Variants in LRRC49 observed in about 807,000 individuals in gnomAD.
LRRC49 encodes the protein leucine rich repeat containing 49.
LRRC49 carries 50 observed loss-of-function variants against 83.3 expected under a neutral mutation model. The observed-to-expected ratio is 0.60, with a 90% CI of 0.48 to 0.76. The LOEUF (loss-of-function observed/expected upper bound fraction) is 0.76, where lower values mean the gene tolerates loss of function less well. LRRC49 is among the 30% of genes least tolerant of loss of function. The pLI, the probability that LRRC49 is intolerant of heterozygous loss-of-function variation, is 0.00. For synonymous variants in LRRC49, 286 were observed against 283.3 expected (o/e 1.01, Z -0.10); for missense variants, 704 against 809.1 (o/e 0.87, Z 1.58).
chr15:70,912,218 A>T (rs769229498), intron 6 of LRRC49, among the ~76,000 whole-genome samples: 1 of 152,052 alleles, frequency 6.6e-6, no homozygotes, highest in Non-Finnish European at 1.5e-5. Context: ...CCAGTTTCTT[A>T]TTGATAGACA....
At chr15:70,984,955 G>A (rs935531602) in intron 11 of LRRC49, among the ~76,000 whole-genome samples, 1 of 147,854 alleles carries the variant, frequency 6.8e-6, no homozygotes, top group Non-Finnish European at 1.5e-5. Flanking sequence ...CAAAGGACAT[G>A]AACTCATCAT....
At chr15:71,047,811 C>T (rs1287642333) in intron 15 of LRRC49, among the ~76,000 whole-genome samples, 1 of 152,176 alleles carries the variant, frequency 6.6e-6, no homozygotes, top group African/African-American at 2.4e-5. Context: ...GAGTCTTGCT[C>T]TGTCGCCCAG....
In LRRC49 at chr15:71,049,630, A is replaced by G. The variant is rs1273981861; in HGVS notation, c.*18A>G. ...AAAAATAAAAATGGCCTTTAGTTAC[A>G]GTTGATTTTGGCAGTTTTATTTTTT... On this transcript the variant is annotated 3_prime_UTR_variant, in exon 16 of 16. Coordinates refer to ENST00000260382, the MANE Select transcript of LRRC49 (RefSeq NM_017691.5). 6.4e-7 allele frequency: 1 copy of G among 1,570,852 alleles called. No homozygotes were observed. Among genetic ancestry groups the G allele is most frequent in the East Asian group, 2.2e-5 (1 of 44,674 alleles).
intron 7 of LRRC49, among the ~76,000 whole-genome samples, chr15:70,922,909 T>G (rs2035061344): frequency 6.6e-6 from 1 of 152,038 alleles, no homozygotes; most frequent in Non-Finnish European, 1.5e-5. Context: ...GGAACTAATA[T>G]TACCAACATT....
intron 9 of LRRC49, among the ~76,000 whole-genome samples, chr15:70,971,936 A>G (rs918656191): frequency 6.6e-6 from 1 of 151,446 alleles, no homozygotes; most frequent in Non-Finnish European, 1.5e-5. Flanking sequence ...CTCTTTATCC[A>G]ATTTGCCAGT....
intron 12 of LRRC49, among the ~76,000 whole-genome samples, chr15:71,009,218 C>T (rs1216605464): frequency 6.6e-6 from 1 of 151,582 alleles, no homozygotes; most frequent in Non-Finnish European, 1.5e-5. Context: ...CTTCATTCTC[C>T]CTAAAAAAGA....
At chr15:71,002,360 A>T (rs975077484) in intron 11 of LRRC49, among the ~76,000 whole-genome samples, 1 of 152,188 alleles carries the variant, frequency 6.6e-6, no homozygotes, top group Non-Finnish European at 1.5e-5. Context: ...CTATGAAAAA[A>T]TTATAGACAC....
At chr15:71,038,495 C>A (rs1221764085) in intron 15 of LRRC49, among the ~76,000 whole-genome samples, 4 of 152,176 alleles carry the variant, frequency 2.6e-5, no homozygotes, top group Non-Finnish European at 5.9e-5. Context: ...TTTCCTTCCC[C>A]ACCCCCAATC....
intron 11 of LRRC49, among the ~76,000 whole-genome samples, chr15:70,990,081 G>T (rs1218089826): frequency 1.3e-5 from 2 of 152,248 alleles, no homozygotes; most frequent in Admixed American, 6.5e-5. Context: ...GGGGGTCAGG[G>T]GTCAGGGACC....
At position 71,012,890 on chromosome 15, in the gene LRRC49, G is replaced by A. The variant is rs747694909; in HGVS notation, c.1680G>A (p.Leu560=). 9 of 1,611,640 alleles carry A rather than the reference G, an allele frequency of 5.6e-6. No individual in the cohort carries two copies. In the Admixed American group the frequency reaches 1.5e-4, roughly 27 times the overall value. The stretch of plus-strand genomic sequence containing the variant: ...CTTCTGAGTTACCCCAGTATCGTCT[G>A]ATTTCCATTCTGGGTGATGCCAGGT... ...VASSELPQYR[L]ISILGDARKK... The change falls in exon 14 of 16, where the codon CTG becomes CTA. Residue 560 remains leucine (L), a synonymous_variant. Transcript: ENST00000260382.
intron 1 of LRRC49, chr15:70,858,764 C>T (rs1388599464): frequency 2.6e-5 from 30 of 1,151,238 alleles, no homozygotes; most frequent in South Asian, 8.4e-5. Context: ...CTCTGGCCCC[C>T]GGGCCTTCAG....
chr15:70,944,903 T>C (rs2035955632), intron 8 of LRRC49, among the ~76,000 whole-genome samples: 1 of 152,194 alleles, frequency 6.6e-6, no homozygotes, highest in Non-Finnish European at 1.5e-5. Context: ...CATTGAGGTC[T>C]CTTCACTCTA....
In LRRC49 at chr15:70,858,838, A is replaced by G. The variant is rs557801462; in HGVS notation, c.-299+5369A>G. ...GCACCTGAGATTCTCCCGAGTGGGC[A>G]GCAGCAGCTTCTGGGGTGGCCTGGG... On this transcript the variant is annotated intron_variant, in intron 1 of 16. Coordinates refer to the LRRC49 transcript ENST00000544974. 4.2e-5 allele frequency: 33 copies of G among 783,170 alleles called. No homozygotes were observed. The East Asian group carries it at 5.9e-4, about 14-fold the overall frequency. The allele number at this position is 783,170 out of a possible 1,614,324, so 48.5% of individuals were successfully genotyped here.
At chr15:70,987,783 G>A (rs371571358) in intron 11 of LRRC49, among the ~76,000 whole-genome samples, 30 of 151,908 alleles carry the variant, frequency 2.0e-4, no homozygotes, top group African/African-American at 7.0e-4. Flanking sequence ...AGTGCTATAA[G>A]TTTCCCTCTA....
Position 70,898,548 on chromosome 15 carries a change from G to A in LRRC49, c.194-2374G>A, listed in dbSNP as rs2033933154. 5.1e-6 allele frequency: 3 copies of A among 586,526 alleles called. No homozygotes were observed. In the South Asian group the frequency reaches 6.7e-5, roughly 13 times the overall value. 36.3% of individuals were successfully genotyped at this position (586,526 alleles called of 1,614,324 possible). ...CCAGCACTTTGGGAGGCCAAGGTGGGTGGATTGCTTGAGCCCAGGAGTTCA... is the reference window on the plus strand; with the variant it reads ...CCAGCACTTTGGGAGGCCAAGGTGGATGGATTGCTTGAGCCCAGGAGTTCA... On this transcript the variant is annotated intron_variant, in intron 3 of 15. Transcript: ENST00000260382.
chr15:70,882,852 A>G, intron 2 of LRRC49: 1 of 1,614,148 alleles, frequency 6.2e-7, no homozygotes, highest in Non-Finnish European at 8.5e-7. Context: ...AAGTGACAGT[A>G]TTAGATGGAT....
intron 4 of LRRC49, among the ~76,000 whole-genome samples, 186 bp from the exon 5 acceptor site, chr15:70,904,366 A>G (rs1011355168): frequency 2.6e-5 from 4 of 152,130 alleles, no homozygotes; most frequent in African/African-American, 4.8e-5. Context: ...GTCAAAGTCT[A>G]TTGGCTTTTT....
intron 15 of LRRC49, among the ~76,000 whole-genome samples, chr15:71,041,662 C>T (rs2039702517): frequency 6.6e-6 from 1 of 152,090 alleles, no homozygotes; most frequent in Non-Finnish European, 1.5e-5. Context: ...AGAAGAATTT[C>T]AAGCAAACTT....
intron 11 of LRRC49, among the ~76,000 whole-genome samples, chr15:70,998,689 T>C (rs1285413744): frequency 6.6e-6 from 1 of 152,150 alleles, no homozygotes; most frequent in Non-Finnish European, 1.5e-5. Context: ...TCAGAGTTCA[T>C]TGAGCCTCTT....
Sources: allele counts gnomAD v4.1 joint callset (sites outside exome capture counted in the v4.1 genomes callset), GRCh38; gene constraint gnomAD v4.1.1; transcripts MANE v1.5; gene names NCBI Gene and HGNC (gene_info 2026-07-23, HGNC 2026-07-21).